PCDHGB2: variants seen among roughly 807,000 people sequenced by gnomAD.
PCDHGB2 encodes the protein protocadherin gamma-B2.
In PCDHGB2, 55 loss-of-function variants were observed where a neutral mutation model predicts 59.3. The observed-to-expected ratio is 0.93, with a 90% CI of 0.75 to 1.16. The LOEUF (loss-of-function observed/expected upper bound fraction) is 1.16. Among genes scored for constraint, PCDHGB2 ranks in the 50% most tolerant of loss-of-function variants. The pLI, the probability that PCDHGB2 is intolerant of heterozygous loss-of-function variation, is 0.00. For synonymous variants in PCDHGB2, 516 were observed against 512.0 expected (o/e 1.01, Z -0.11); for missense variants, 1,228 against 1,198.5 (o/e 1.02, Z -0.36).
intron 1 of PCDHGB2, among the ~76,000 whole-genome samples, chr5:141,369,676 A>T (rs1172722090): frequency 6.6e-6 from 1 of 152,246 alleles, no homozygotes; most frequent in Non-Finnish European, 1.5e-5. Context: ...GAAGAAAGTG[A>T]AACATAGAAT....
At chr5:141,450,829 A>T (rs187691791) in intron 1 of PCDHGB2, among the ~76,000 whole-genome samples, 19,077 of 135,014 alleles carry the variant, frequency 0.14, 1,595 homozygotes, top group African/African-American at 0.24. Context: ...TATTATTATT[A>T]TTTTTTTTTT....
Position 141,477,983 on chromosome 5 carries a change from C to T in PCDHGB2, c.2422-16824C>T. 1 of 1,614,126 alleles carries T rather than the reference C, an allele frequency of 6.2e-7. No individual in the cohort carries two copies. Among genetic ancestry groups the T allele is most frequent in the Non-Finnish European group, 8.5e-7 (1 of 1,180,024 alleles). ...TAACCAGAGCCTTTTTGCCATAGGGCTGCACACTGGTCAAATCAGTACTGC... is the reference window on the plus strand; with the variant it reads ...TAACCAGAGCCTTTTTGCCATAGGGTTGCACACTGGTCAAATCAGTACTGC... On this transcript the variant is annotated intron_variant, in intron 1 of 3. Coordinates refer to ENST00000522605, the MANE Select transcript of PCDHGB2 (RefSeq NM_018923.3). The surrounding 1 kb of genome is among the most constrained non-coding windows in gnomAD (Gnocchi z 4.9).
intron 1 of PCDHGB2, chr5:141,394,371 T>G: frequency 6.2e-7 from 1 of 1,614,174 alleles, no homozygotes; most frequent in Non-Finnish European, 8.5e-7. Context: ...GCTGCAATCT[T>G]TCGACTATGA....
intron 1 of PCDHGB2, chr5:141,394,928 C>T (rs2093129787): frequency 7.4e-6 from 12 of 1,613,838 alleles, no homozygotes; most frequent in Non-Finnish European, 1.0e-5. Context: ...GTGTCTTCCT[C>T]GCCTTTGTCG....
Position 141,372,614 on chromosome 5 carries a change from C to A in PCDHGB2, c.2421+10058C>A, listed in dbSNP as rs759304946. 6.2e-6 allele frequency: 10 copies of A among 1,613,984 alleles called. No individual in the cohort carries two copies. The South Asian group carries it at 8.8e-5, about 14-fold the overall frequency. On this transcript the variant is annotated intron_variant, in intron 1 of 3. Coordinates refer to ENST00000522605, the MANE Select transcript of PCDHGB2 (RefSeq NM_018923.3). Reference sequence around the variant, plus strand: ...GCTTCAAGACTGTACCTGGAGTTCTCCCCACCTACAGCGAAAGGACTTTGC... The same window carrying A: ...GCTTCAAGACTGTACCTGGAGTTCTACCCACCTACAGCGAAAGGACTTTGC...
At chr5:141,505,579 G>A (rs1047837546) in intron 3 of PCDHGB2, 98 bp downstream of exon 3, 6 of 1,588,858 alleles carry the variant, frequency 3.8e-6, no homozygotes, top group Non-Finnish European at 4.3e-6. Flanking sequence ...TCAAACCTGT[G>A]TAGTTTCTCC....
Position 141,361,845 on chromosome 5 carries a change from T to G in PCDHGB2, c.1710T>G (p.Asp570Glu). Residue 570 changes from aspartate to glutamate, a missense_variant, in exon 1 of 4, where the codon GAT becomes GAG. Coordinates refer to ENST00000522605, the MANE Select transcript of PCDHGB2 (RefSeq NM_018923.3). ...PRVLYPALGPDGSALFDMVPR... is the reference protein window; with the variant it reads ...PRVLYPALGPEGSALFDMVPR... ...TGCTGTACCCCGCGCTGGGGCCTGATGGCTCCGCCCTCTTCGATATGGTGC... is the reference window on the plus strand; with the variant it reads ...TGCTGTACCCCGCGCTGGGGCCTGAGGGCTCCGCCCTCTTCGATATGGTGC... The G allele has an allele frequency of 6.2e-7, 1 of 1,612,744 alleles. No homozygotes were observed. Among genetic ancestry groups the G allele is most frequent in the Non-Finnish European group, 8.5e-7 (1 of 1,179,722 alleles).
At chr5:141,375,304 T>C (rs1436249937) in intron 1 of PCDHGB2, 4 of 1,613,762 alleles carry the variant, frequency 2.5e-6, no homozygotes, top group Non-Finnish European at 3.4e-6. Flanking sequence ...TAGTGACAAA[T>C]GCAGCTCTAG....
intron 1 of PCDHGB2, chr5:141,416,766 T>C (rs906070451): frequency 2.0e-5 from 3 of 152,212 alleles, no homozygotes; most frequent in African/African-American, 7.2e-5. Context: ...GATCTCTTAA[T>C]TTTATTACTA....
At chr5:141,374,796 A>G (rs1422023332) in intron 1 of PCDHGB2, 5 of 1,613,974 alleles carry the variant, frequency 3.1e-6, no homozygotes, top group Non-Finnish European at 3.4e-6. Context: ...GTGAATGACA[A>G]CACTCCAATG....
At chr5:141,375,579 C>G in intron 1 of PCDHGB2, 1 of 1,614,114 alleles carries the variant, frequency 6.2e-7, no homozygotes, top group South Asian at 1.1e-5. Flanking sequence ...CTCCAGGGGG[C>G]GCCCCTGTCC....
chr5:141,371,651 T>C, intron 1 of PCDHGB2: 1 of 1,613,998 alleles, frequency 6.2e-7, no homozygotes, highest in Admixed American at 1.7e-5. Flanking sequence ...CAGAATACAA[T>C]GTGACGATCA....
At chr5:141,494,954 G>A in intron 2 of PCDHGB2, 89 bp downstream of exon 2, 2 of 1,601,116 alleles carry the variant, frequency 1.2e-6, no homozygotes. Context: ...CCCAGCATTT[G>A]CTACAGATGG....
intron 1 of PCDHGB2, chr5:141,372,864 AT>A (rs1769140168): frequency 5.7e-6 from 8 of 1,393,446 alleles, no homozygotes; most frequent in Non-Finnish European, 6.7e-6. Context: ...CAATTCATTG[AT>A]TTAGAGATAA....
At chr5:141,405,083 C>T in intron 1 of PCDHGB2, 1 of 1,613,942 alleles carries the variant, frequency 6.2e-7, no homozygotes, top group Non-Finnish European at 8.5e-7. Flanking sequence ...CGTTATCACG[C>T]TGCTGGCCCT....
intron 1 of PCDHGB2, chr5:141,409,246 C>A (rs771759898): frequency 1.2e-6 from 2 of 1,614,032 alleles, no homozygotes; most frequent in Admixed American, 3.3e-5. Context: ...CAGAAATAAT[C>A]ATCACTTCTC....
intron 2 of PCDHGB2, among the ~76,000 whole-genome samples, chr5:141,500,231 C>T (rs992215482): frequency 1.4e-5 from 2 of 138,098 alleles, no homozygotes; most frequent in East Asian, 4.1e-4. Context: ...TTTATTGATA[C>T]GTAGCCTTGC....
At chr5:141,380,267 C>A (rs1021604042) in intron 1 of PCDHGB2, among the ~76,000 whole-genome samples, 2 of 152,042 alleles carry the variant, frequency 1.3e-5, no homozygotes, top group Non-Finnish European at 2.9e-5. Flanking sequence ...GGAGTAAAAT[C>A]TCAGAGGAGA....
At chr5:141,393,147 G>A in intron 1 of PCDHGB2, 2 of 1,613,298 alleles carry the variant, frequency 1.2e-6, no homozygotes, top group Non-Finnish European at 1.7e-6. Flanking sequence ...CCTGGTTGAG[G>A]ATAAAGGAAA....
Sources: gnomAD v4.1 joint callset for allele counts (sites outside exome capture counted in the v4.1 genomes callset) on GRCh38, gnomAD v4.1.1 for gene constraint, Gnocchi (gnomAD v3.1) non-coding constraint, MANE v1.5 for transcripts, NCBI Gene and HGNC (gene_info 2026-07-23, HGNC 2026-07-21) for gene names.